Variants in NEB observed in about 807,000 individuals in gnomAD.
NEB encodes nemaline myopathy type 2.
A neutral mutation model predicts 952.2 loss-of-function variants in NEB; 512 were observed. The observed-to-expected ratio is 0.54, with a 90% CI of 0.50 to 0.58. NEB has a LOEUF of 0.58. Among genes scored for constraint, NEB ranks in the 20% least tolerant of loss-of-function variants. The probability of loss-of-function intolerance (pLI) is 0.00; values close to 1 mark genes in which losing one functional copy is unlikely to be tolerated. For synonymous variants in NEB, 2,900 were observed against 3,149.8 expected (o/e 0.92, Z 2.66); for missense variants, 8,428 against 9,231.1 (o/e 0.91, Z 3.56).
chr2:151,641,822 T>C (rs1210790510), intron 60 of NEB, among the ~76,000 whole-genome samples: 1 of 152,214 alleles, frequency 6.6e-6, no homozygotes, highest in Non-Finnish European at 1.5e-5. Context: ...GCAAATCCTT[T>C]ATTTATTATA....
At chr2:151,518,208 T>C in intron 156 of NEB, 110 bp downstream of exon 156, 1 of 825,826 alleles carries the variant, frequency 1.2e-6, no homozygotes, top group East Asian at 2.4e-5. Flanking sequence ...CAAAACCCCT[T>C]ATATCTTTGT....
intron 65 of NEB, 111 bp from the exon 66 acceptor site, chr2:151,631,457 C>A: frequency 1.6e-6 from 2 of 1,213,188 alleles, no homozygotes; most frequent in Non-Finnish European, 1.1e-6. Flanking sequence ...TCGTAGAAAA[C>A]AAGCGCGTTG....
At chr2:151,660,585 A>C (rs868599211) in intron 46 of NEB, among the ~76,000 whole-genome samples, 9 of 152,336 alleles carry the variant, frequency 5.9e-5, no homozygotes, top group Middle Eastern at 3.4e-3. Flanking sequence ...AATTAAAATA[A>C]GAATAACCTT....
At position 151,677,962 on chromosome 2, in the gene NEB, A is replaced by G. The variant is rs1196071785; in HGVS notation, c.3481T>C (p.Tyr1161His). 5.6e-6 allele frequency: 9 copies of G among 1,613,804 alleles called. No individual in the cohort carries two copies. Among genetic ancestry groups the G allele is most frequent in the African/African-American group, 1.3e-5 (1 of 74,916 alleles). The change falls in exon 33 of 182, where the codon TAT becomes CAT. Residue 1161 changes from tyrosine to histidine, a missense_variant. By Grantham distance (83) the Tyr-to-His change is moderately conservative. This residue lies in a region of NEB where 2,851 missense variants were observed against 2,791.5 expected (regional missense o/e 1.02). Transcript: ENST00000397345. ...GTGTAATGATGGAGAGAATGCTTATAGTTGACATTGCTGACCACATCCTGG... is the reference window on the plus strand; with the variant it reads ...GTGTAATGATGGAGAGAATGCTTATGGTTGACATTGCTGACCACATCCTGG... Reference protein sequence around the residue: ...KAQDVVSNVNYKHSLHHYTYL... With the variant: ...KAQDVVSNVNHKHSLHHYTYL...
chr2:151,658,866 T>C (rs2099115358), intron 47 of NEB, among the ~76,000 whole-genome samples, 199 bp downstream of exon 47: 1 of 152,150 alleles, frequency 6.6e-6, no homozygotes. Flanking sequence ...ACCGTTCAAA[T>C]TCTTAACTGC....
intron 9 of NEB, among the ~76,000 whole-genome samples, chr2:151,719,868 G>A (rs1321290403): frequency 7.8e-6 from 1 of 128,308 alleles, no homozygotes; most frequent in Non-Finnish European, 1.6e-5. Flanking sequence ...GCCTGGGTGA[G>A]AGAGTGAGAC....
intron 5 of NEB, among the ~76,000 whole-genome samples, chr2:151,725,971 A>C (rs2099789350): frequency 6.6e-6 from 1 of 152,248 alleles, no homozygotes; most frequent in Non-Finnish European, 1.5e-5. Context: ...AAACTTCAGT[A>C]GTTCAGATAG....
chr2:151,625,336 ATCTG>A (rs1425319621), intron 71 of NEB, among the ~76,000 whole-genome samples, 194 bp downstream of exon 71: 1 of 150,648 alleles, frequency 6.6e-6, no homozygotes, highest in Non-Finnish European at 1.5e-5. Context: ...CTGTCTGTCT[ATCTG>A]TCTGTCTAAT....
chr2:151,677,908 G>T lies in NEB; in HGVS notation c.3535C>A (p.Leu1179Met). The change falls in exon 33 of 182, where the codon CTG becomes ATG. Residue 1179 changes from leucine (L) to methionine (M), a missense_variant. Leu to Met is a conservative substitution (Grantham distance 15). Around this residue, in one of 11 missense-constraint regions of NEB, gnomAD observed 2,851 missense variants for 2,791.5 expected, o/e 1.02. Transcript: ENST00000397345. Reference protein sequence around the residue: ...TYLPDAMDLELSKNMMQIQSD... With the variant: ...TYLPDAMDLEMSKNMMQIQSD... ...TGTATCTGCATCATGTTCTTAGACA[G>T]CTCCAGGTCCATGGCGTCAGGCAAG... is the stretch of plus-strand genomic sequence containing the variant. 1.4e-5 allele frequency: 22 copies of T among 1,613,130 alleles called. No individual in the cohort carries two copies. The highest frequency in any genetic ancestry group is 1.8e-5 in the Non-Finnish European group (21 of 1,179,388).
Position 151,518,979 on chromosome 2 carries a change from G to A in NEB, c.22681C>T (p.Gln7561Ter). The A allele has an allele frequency of 6.2e-7, 1 of 1,612,208 alleles. No individual in the cohort carries two copies. The highest frequency in any genetic ancestry group is 1.1e-5 in the South Asian group (1 of 91,028). The part of the protein sequence containing the change: ...LIMNHVLNTS[Q>*]LASSYQYKKK... ...ACTGAGCTTACAGAACTGGCAAGTT[G>A]GCTTGTATTCAGGACATGATTCATG... The change falls in exon 155 of 182, where the codon CAA becomes TAA. Residue 7561 changes from glutamine (Q) to a stop codon, truncating the protein, a stop_gained. Transcript: ENST00000397345. LOFTEE classifies it high-confidence loss of function.
intron 154 of NEB, 58 bp downstream of exon 154, chr2:151,519,597 TAAA>T: frequency 7.8e-7 from 1 of 1,278,056 alleles, no homozygotes; most frequent in South Asian, 1.2e-5. Context: ...ATTGCACACT[TAAA>T]AACAGTTAAA....
intron 124 of NEB, among the ~76,000 whole-genome samples, chr2:151,559,541 C>A (rs1284064751): frequency 6.6e-6 from 1 of 152,180 alleles, no homozygotes; most frequent in Non-Finnish European, 1.5e-5. Flanking sequence ...GGAACCAACC[C>A]AAATGCCCAT....
chr2:151,499,466 T>A, intron 168 of NEB, 76 bp from the exon 169 acceptor site: 1 of 783,916 alleles, frequency 1.3e-6, no homozygotes, highest in East Asian at 2.8e-5. Context: ...GTGGGGAACC[T>A]GGTATAAAAC....
At chr2:151,693,336 A>G (rs1468484207) in intron 20 of NEB, among the ~76,000 whole-genome samples, 2 of 152,052 alleles carry the variant, frequency 1.3e-5, no homozygotes, top group African/African-American at 4.8e-5. Context: ...AGCGTGTGCC[A>G]TGGTGGTTTG....
chr2:151,653,770 T>C (rs776094311), intron 52 of NEB, among the ~76,000 whole-genome samples: 19 of 152,172 alleles, frequency 1.2e-4, no homozygotes, highest in Non-Finnish European at 2.4e-4. Context: ...CTTACTCTAA[T>C]GGATCTTAGA....
At chr2:151,663,966 C>G in intron 44 of NEB, 107 bp from the exon 45 acceptor site, 1 of 1,171,098 alleles carries the variant, frequency 8.5e-7, no homozygotes, top group Non-Finnish European at 1.2e-6. Context: ...TAGAGCTACT[C>G]TAAAATTGGA....
chr2:151,565,701 A>G lies in NEB; in HGVS notation c.18261+15T>C. 1 of 1,605,982 alleles carries G rather than the reference A, an allele frequency of 6.2e-7. No homozygotes were observed. The highest frequency in any genetic ancestry group is 8.5e-7 in the Non-Finnish European group (1 of 1,174,728). Reference sequence around the variant, plus strand: ...AGGACAGGCATAGGTTAGAAGGAGAATAGGCTTTGCGTACCTGACTCATCA... The same window carrying G: ...AGGACAGGCATAGGTTAGAAGGAGAGTAGGCTTTGCGTACCTGACTCATCA... On this transcript the variant is annotated intron_variant, in intron 115 of 181. Coordinates refer to ENST00000397345, the MANE Select transcript of NEB (RefSeq NM_001164508.2).
At chr2:151,662,014 A>G (rs2154168139) in intron 46 of NEB, 121 bp downstream of exon 46, 2 of 742,862 alleles carry the variant, frequency 2.7e-6, no homozygotes, top group South Asian at 3.2e-5. Flanking sequence ...CTCTTTTTCT[A>G]GGTAAAATAA....
chr2:151,655,521 A>T, intron 50 of NEB, 147 bp from the exon 51 acceptor site: 3 of 512,552 alleles, frequency 5.9e-6, no homozygotes, highest in Non-Finnish European at 9.9e-6. Flanking sequence ...AAAGACCCTA[A>T]AAACAAACTC....
Sources: allele counts gnomAD v4.1 joint callset (sites outside exome capture counted in the v4.1 genomes callset), GRCh38; gene constraint gnomAD v4.1.1; regional missense constraint gnomAD v4.1.1; transcripts MANE v1.5; gene names NCBI Gene and HGNC (gene_info 2026-07-23, HGNC 2026-07-21).